PRCP: variants seen among roughly 807,000 people sequenced by gnomAD.
The protein encoded by PRCP is lysosomal Pro-X carboxypeptidase.
A neutral mutation model predicts 54.2 loss-of-function variants in PRCP; 46 were observed. The observed-to-expected ratio is 0.85, with a 90% CI of 0.67 to 1.09. The LOEUF (loss-of-function observed/expected upper bound fraction) is 1.09, where lower values mean the gene tolerates loss of function less well. PRCP is among the 50% of genes least tolerant of loss of function. The pLI, the probability that PRCP is intolerant of heterozygous loss-of-function variation, is 0.00. For missense variants in PRCP, 613 were observed against 596.8 expected, an observed-to-expected ratio of 1.03 and a Z score of -0.28; for synonymous variants, 240 against 212.2, an observed-to-expected ratio of 1.13 and a Z score of -1.14.
At chr11:82,866,371 G>T (rs1859335684) in intron 1 of PRCP, among the ~76,000 whole-genome samples, 1 of 152,298 alleles carries the variant, frequency 6.6e-6, no homozygotes, top group East Asian at 1.9e-4. Flanking sequence ...AAGGGTGGAA[G>T]TCCTCTCAGA....
Position 82,900,384 on chromosome 11 carries a change from G to C in PRCP, c.19C>G (p.Leu7Val), listed in dbSNP as rs781219393. The C allele has an allele frequency of 9.3e-6, 15 of 1,613,692 alleles. No individual in the cohort carries two copies. ...GCCAGAAAAGACAGAAGCAGGAGCA[G>C]GAGGGCTCGGCGGCCCATGGCTCAG... Reference protein sequence around the residue: MGRRALLLLLLSFLAPW... With the variant: MGRRALVLLLLSFLAPW... Residue 7 changes from leucine (L) to valine (V), a missense_variant, in exon 1 of 9, where the codon CTG becomes GTG. By Grantham distance (32) the Leu-to-Val change is conservative. Coordinates refer to ENST00000313010, the MANE Select transcript of PRCP (RefSeq NM_005040.4).
intron 3 of PRCP, among the ~76,000 whole-genome samples, chr11:82,852,858 A>G (rs531507410): frequency 3.8e-4 from 58 of 152,284 alleles, no homozygotes; most frequent in African/African-American, 1.4e-3. Context: ...TAAGTGTACG[A>G]TTTATAAAGC....
intron 1 of PRCP, among the ~76,000 whole-genome samples, chr11:82,861,660 A>G (rs1002863396): frequency 7.9e-5 from 12 of 152,204 alleles, no homozygotes; most frequent in African/African-American, 2.9e-4. Context: ...TCCAGGAAAT[A>G]TAAAGGTAAA....
In PRCP at chr11:82,838,506, C is replaced by A. The variant is rs1272458755; in HGVS notation, c.1155G>T (p.Trp385Cys). ...GVDDMFEPHS[W>C]NLKELSDDCF... ...AGTCATCAGAAAGTTCCTTTAAGTT[C>A]CATGAGTGAGGTTCAAACATGTCAT... The change falls in exon 8 of 9, where the codon TGG becomes TGT. Residue 385 changes from tryptophan to cysteine, a missense_variant. Physicochemically the swap from Trp to Cys is radical, Grantham distance 215. Coordinates refer to ENST00000313010, the MANE Select transcript of PRCP (RefSeq NM_005040.4). 1 of 1,614,106 alleles carries A rather than the reference C, an allele frequency of 6.2e-7. No homozygotes were observed. The highest frequency in any genetic ancestry group is 8.5e-7 in the Non-Finnish European group (1 of 1,179,968).
chr11:82,880,643 G>A (rs192888876), intron 1 of PRCP, among the ~76,000 whole-genome samples: 118 of 152,166 alleles, frequency 7.8e-4, no homozygotes, highest in African/African-American at 2.6e-3. Flanking sequence ...GTTCCTATTC[G>A]GCCATCTTGG....
intron 1 of PRCP, among the ~76,000 whole-genome samples, chr11:82,869,438 G>A (rs540066300): frequency 5.9e-5 from 9 of 151,426 alleles, no homozygotes; most frequent in African/African-American, 1.9e-4. Context: ...GGTATAGAGA[G>A]ACAGAAGAAA....
chr11:82,855,919 T>C (rs1159002477), intron 2 of PRCP, among the ~76,000 whole-genome samples: 1 of 152,184 alleles, frequency 6.6e-6, no homozygotes, highest in African/African-American at 2.4e-5. Flanking sequence ...ATAAATTAGT[T>C]CAGCCACTAC....
intron 1 of PRCP, among the ~76,000 whole-genome samples, chr11:82,879,081 C>T (rs1308480514): frequency 6.6e-6 from 1 of 152,174 alleles, no homozygotes; most frequent in African/African-American, 2.4e-5. Context: ...TGTTGGCCTG[C>T]CTTGCTAGGT....
intron 6 of PRCP, among the ~76,000 whole-genome samples, chr11:82,844,429 A>C (rs544973151): frequency 2.2e-4 from 33 of 152,054 alleles, no homozygotes; most frequent in African/African-American, 7.7e-4. Context: ...TCTCTTAAAA[A>C]AATAAATAAA....
chr11:82,874,843 T>C (rs1365657578), intron 1 of PRCP, among the ~76,000 whole-genome samples: 2 of 152,168 alleles, frequency 1.3e-5, no homozygotes, highest in Non-Finnish European at 2.9e-5. Context: ...CACAGCCGTC[T>C]ACCCTGTGAA....
At chr11:82,862,148 C>T (rs574932203) in intron 1 of PRCP, among the ~76,000 whole-genome samples, 61 of 151,616 alleles carry the variant, frequency 4.0e-4, no homozygotes, top group Non-Finnish European at 4.4e-4. Flanking sequence ...AAAAGGAATA[C>T]TCAATTTGAC....
At chr11:82,861,634 G>T (rs1190625863) in intron 1 of PRCP, among the ~76,000 whole-genome samples, 1 of 151,960 alleles carries the variant, frequency 6.6e-6, no homozygotes, top group Non-Finnish European at 1.5e-5. Flanking sequence ...CCAGCCTTTA[G>T]ATCTAATTTC....
intron 1 of PRCP, among the ~76,000 whole-genome samples, chr11:82,889,951 C>T (rs1316353757): frequency 6.6e-6 from 1 of 152,074 alleles, no homozygotes; most frequent in Non-Finnish European, 1.5e-5. Flanking sequence ...CTGGTTTACT[C>T]TTCTAGTAGT....
At chr11:82,864,216 C>T (rs143257244) in intron 1 of PRCP, among the ~76,000 whole-genome samples, 95 of 152,344 alleles carry the variant, frequency 6.2e-4, no homozygotes, top group Non-Finnish European at 1.2e-3. Context: ...TTTCTGAGTG[C>T]TTCACCTAGG....
At position 82,866,986 on chromosome 11, in the gene PRCP, T is replaced by C. The variant is rs186211173; in HGVS notation, c.169-6869A>G. On this transcript the variant is annotated intron_variant, in intron 1 of 8. Coordinates refer to ENST00000313010, the MANE Select transcript of PRCP (RefSeq NM_005040.4). The stretch of plus-strand genomic sequence containing the variant: ...ATCCACCTGCCTCAGCCTCCCAAAG[T>C]GCTGGGATTACAGGCATGAGCCACC... Among the ~76,000 whole-genome samples the C allele has an allele frequency of 3.9e-4, 60 of 152,284 alleles. 1 individual carries two copies. Among genetic ancestry groups the C allele is most frequent in the African/African-American group, 1.3e-3 (56 of 41,572 alleles).
In PRCP at chr11:82,893,967, A is replaced by G. The variant is rs570022480; in HGVS notation, c.168+6268T>C. ...AGTAAATTACTATCATTAATAATGC[A>G]TTAGACACATTTACACTACATATGT... On this transcript the variant is annotated intron_variant, in intron 1 of 8. Transcript: ENST00000313010. Among the ~76,000 whole-genome samples, 16 of 152,340 alleles carry G rather than the reference A, an allele frequency of 1.1e-4. No homozygotes were observed. In the South Asian group the frequency reaches 3.3e-3, roughly 32 times the overall value.
Position 82,859,977 on chromosome 11 carries a change from C to T in PRCP, c.309G>A (p.Thr103=), listed in dbSNP as rs773901335. 7.0e-6 allele frequency: 11 copies of T among 1,573,850 alleles called. No individual in the cohort carries two copies. In the East Asian group the frequency reaches 7.1e-5, roughly 10 times the overall value. The change falls in exon 2 of 9, where the codon ACG becomes ACA. Residue 103 remains threonine (T), a splice_region_variant and synonymous_variant. Transcript: ENST00000313010. ...EGDIIWFCNN[T]GFMWDVAEEL... is the part of the protein sequence containing the mutation. ...TGGAATTTCATGAATCTGCACATAC[C>T]GTGTTATTACAAAACCAGATAATGT...
At chr11:82,854,645 GAA>G (rs60715174) in intron 2 of PRCP, among the ~76,000 whole-genome samples, 317 of 150,302 alleles carry the variant, frequency 2.1e-3, no homozygotes, top group African/African-American at 7.4e-3. Flanking sequence ...ACAGAGTTAG[GAA>G]AAAAAAACTA....
chr11:82,844,589 C>T (rs1858756977), intron 6 of PRCP, among the ~76,000 whole-genome samples: 1 of 151,374 alleles, frequency 6.6e-6, no homozygotes, highest in Admixed American at 6.6e-5. Context: ...ATACAAAAAT[C>T]AGGCACAGTG....
Sources: gnomAD v4.1 joint callset for allele counts (sites outside exome capture counted in the v4.1 genomes callset) on GRCh38, gnomAD v4.1.1 for gene constraint, MANE v1.5 for transcripts, NCBI Gene and HGNC (gene_info 2026-07-23, HGNC 2026-07-21) for gene names.